GLYATL2: variants seen among roughly 807,000 people sequenced by gnomAD.
GLYATL2 encodes the protein glycine-N-acyltransferase like 2.
GLYATL2 carries 25 observed loss-of-function variants against 21.4 expected under a neutral mutation model. The observed-to-expected ratio is 1.17, with a 90% CI of 0.85 to 1.63. The LOEUF is 1.63. Among genes scored for constraint, GLYATL2 ranks in the 40% most tolerant of loss-of-function variants. GLYATL2 has a pLI of 0.00. For missense variants in GLYATL2, 361 were observed against 343.3 expected (o/e 1.05, Z -0.41); for synonymous variants, 114 against 118.2 (o/e 0.96, Z 0.23).
At chr11:58,861,451 T>C (rs1357398567) in intron 1 of GLYATL2, among the ~76,000 whole-genome samples, 2 of 151,934 alleles carry the variant, frequency 1.3e-5, no homozygotes, top group Non-Finnish European at 2.9e-5. Context: ...TTTATTTTTA[T>C]CTTTTTTTCT....
intron 1 of GLYATL2, among the ~76,000 whole-genome samples, chr11:58,902,222 A>G (rs1286007512): frequency 6.6e-6 from 1 of 151,882 alleles, no homozygotes; most frequent in African/African-American, 2.4e-5. Flanking sequence ...CCACAGGAGG[A>G]CAGGAAAAAA....
intron 1 of GLYATL2, 89 bp from the exon 2 acceptor site, chr11:58,839,741 A>G: frequency 3.3e-6 from 2 of 610,048 alleles, no homozygotes; most frequent in South Asian, 4.2e-5. Context: ...CAGGGACATC[A>G]TACACTATTA....
At chr11:58,841,582 A>G (rs1235444981) in intron 1 of GLYATL2, among the ~76,000 whole-genome samples, 1 of 152,216 alleles carries the variant, frequency 6.6e-6, no homozygotes, top group Non-Finnish European at 1.5e-5. Context: ...GAAAACTGCA[A>G]CTTCAAAGAT....
At chr11:58,885,215 G>A (rs1854414521) in intron 1 of GLYATL2, among the ~76,000 whole-genome samples, 1 of 152,246 alleles carries the variant, frequency 6.6e-6, no homozygotes, top group South Asian at 2.1e-4. Flanking sequence ...CTAGTGCACA[G>A]TAGCTCTTTG....
At position 58,837,132 on chromosome 11, in the gene GLYATL2, G is replaced by T. The variant is rs372043704; in HGVS notation, c.359C>A (p.Ser120Ter). 2 of 1,613,928 alleles carry T rather than the reference G, an allele frequency of 1.2e-6. No individual in the cohort carries two copies. Among genetic ancestry groups the T allele is most frequent in the Non-Finnish European group, 1.7e-6 (2 of 1,179,898 alleles). The change falls in exon 5 of 6, where the codon TCA becomes TAA. Residue 120 changes from serine to a stop codon, truncating the protein, a stop_gained. Coordinates refer to ENST00000287275, the MANE Select transcript of GLYATL2 (RefSeq NM_145016.4). LOFTEE classifies it high-confidence loss of function. ...LDEAIRKVATSKSVQVDYMKT... is the reference protein window; with the variant it reads ...LDEAIRKVAT ...CATGTAATCTACCTGCACTGATTTTGAAGTTGCAACCTTTCTTATTGCTTC... is the reference window on the plus strand; with the variant it reads ...CATGTAATCTACCTGCACTGATTTTTAAGTTGCAACCTTTCTTATTGCTTC...
chr11:58,871,966 G>A (rs961136024), intron 1 of GLYATL2, among the ~76,000 whole-genome samples: 1 of 152,070 alleles, frequency 6.6e-6, no homozygotes, highest in African/African-American at 2.4e-5. Flanking sequence ...ACTTTTTAAT[G>A]ATCACCATTC....
chr11:58,865,439 A>G (rs1172735318), intron 1 of GLYATL2, among the ~76,000 whole-genome samples: 1 of 149,218 alleles, frequency 6.7e-6, no homozygotes, highest in Non-Finnish European at 1.5e-5. Context: ...GTGTAAACTA[A>G]TTCAACTAAA....
At chr11:58,860,508 T>G (rs899126133) in intron 1 of GLYATL2, among the ~76,000 whole-genome samples, 2 of 152,102 alleles carry the variant, frequency 1.3e-5, no homozygotes, top group South Asian at 4.1e-4. Context: ...GCTGCAGTCT[T>G]TAGGATGTTT....
intron 2 of GLYATL2, among the ~76,000 whole-genome samples, 157 bp from the exon 3 acceptor site, chr11:58,838,525 C>A (rs1853484448): frequency 6.6e-6 from 1 of 152,128 alleles, no homozygotes; most frequent in Non-Finnish European, 1.5e-5. Context: ...TTGGGCTACT[C>A]ATTGAGAGTT....
At chr11:58,862,413 G>C (rs603311) in intron 1 of GLYATL2, among the ~76,000 whole-genome samples, 135,029 of 152,182 alleles carry the variant, frequency 0.89, 61,055 homozygotes, top group Non-Finnish European at 0.98. Flanking sequence ...ATCTGTTTCT[G>C]TTCTCTTTCT....
chr11:58,839,690 G>T, intron 1 of GLYATL2, 38 bp from the exon 2 acceptor site: 2 of 930,278 alleles, frequency 2.1e-6, no homozygotes, highest in Non-Finnish European at 3.4e-6. Flanking sequence ...TACCTAGAGA[G>T]ATATGATAGG....
intron 1 of GLYATL2, among the ~76,000 whole-genome samples, chr11:58,855,807 G>A (rs1189348406): frequency 6.6e-6 from 1 of 152,122 alleles, no homozygotes; most frequent in Non-Finnish European, 1.5e-5. Context: ...ATCAGCATTT[G>A]CTGCTTCCCT....
chr11:58,883,418 C>A (rs552514846), intron 1 of GLYATL2, among the ~76,000 whole-genome samples: 4 of 152,078 alleles, frequency 2.6e-5, no homozygotes, highest in African/African-American at 7.2e-5. Flanking sequence ...TACAAACTAC[C>A]GTCAGAGAAC....
At chr11:58,904,558 G>T (rs1366608806), upstream of GLYATL2, among the ~76,000 whole-genome samples, 1 of 152,216 alleles carries the variant, frequency 6.6e-6, no homozygotes, top group Non-Finnish European at 1.5e-5. Context: ...GTCTCCTTGT[G>T]CAATGATTTA....
At chr11:58,907,612 C>G (rs1590763520), upstream of GLYATL2, 3 of 323,238 alleles carry the variant, frequency 9.3e-6, no homozygotes, top group East Asian at 1.5e-4. Flanking sequence ...ACTTCTGGAT[C>G]TGTCTCTATT....
At chr11:58,901,689 A>G (rs1854743019) in intron 1 of GLYATL2, among the ~76,000 whole-genome samples, 2 of 151,976 alleles carry the variant, frequency 1.3e-5, no homozygotes, top group Admixed American at 1.3e-4. Flanking sequence ...CCCTCCCCCA[A>G]CTAGTCCTGT....
At chr11:58,863,076 G>C (rs1006490064) in intron 1 of GLYATL2, among the ~76,000 whole-genome samples, 4 of 152,118 alleles carry the variant, frequency 2.6e-5, no homozygotes, top group Non-Finnish European at 4.4e-5. Flanking sequence ...TGGTAGGCTT[G>C]GTTCCTGGGT....
At chr11:58,874,837 G>A (rs1424363191) in intron 1 of GLYATL2, among the ~76,000 whole-genome samples, 2 of 152,028 alleles carry the variant, frequency 1.3e-5, no homozygotes, top group Non-Finnish European at 2.9e-5. Flanking sequence ...CAATTCCTGG[G>A]TATCCTTGTT....
intron 1 of GLYATL2, among the ~76,000 whole-genome samples, chr11:58,883,597 T>C (rs893594590): frequency 2.6e-5 from 4 of 152,144 alleles, no homozygotes; most frequent in African/African-American, 4.8e-5. Flanking sequence ...CCAAAAAATG[T>C]CCAGGACCAG....
Sources: allele counts gnomAD v4.1 joint callset (sites outside exome capture counted in the v4.1 genomes callset), GRCh38; gene constraint gnomAD v4.1.1; transcripts MANE v1.5; gene names NCBI Gene and HGNC (gene_info 2026-07-23, HGNC 2026-07-21).